The following MAMDC2 variants were observed in gnomAD, a reference collection of about 807,000 sequenced individuals.
MAMDC2 encodes the protein MAM domain containing 2, also known as MAM domain-containing protein 2.
Under a neutral mutation model 89.8 loss-of-function variants are expected in MAMDC2, and 57 were observed. The observed-to-expected ratio is 0.63, with a 90% CI of 0.51 to 0.79. The LOEUF is 0.79. Among genes scored for constraint, MAMDC2 ranks in the 30% least tolerant of loss-of-function variants. MAMDC2 has a pLI of 0.00. For synonymous variants in MAMDC2, 313 were observed against 293.4 expected (o/e 1.07, Z -0.68); for missense variants, 800 against 820.6 (o/e 0.97, Z 0.31).
intron 2 of MAMDC2, among the ~76,000 whole-genome samples, chr9:70,075,089 G>A (rs147351932): frequency 8.5e-5 from 13 of 152,258 alleles, no homozygotes; most frequent in African/African-American, 3.1e-4. Flanking sequence ...TGTTTACAAC[G>A]TTTAGCTCAC....
At chr9:70,151,079 G>T (rs1022669368) in intron 9 of MAMDC2, among the ~76,000 whole-genome samples, 2 of 152,140 alleles carry the variant, frequency 1.3e-5, no homozygotes, top group Admixed American at 1.3e-4. Flanking sequence ...CCTTCTCTCT[G>T]TTCCTTGAGT....
chr9:70,074,990 C>A (rs1431259993), intron 2 of MAMDC2, among the ~76,000 whole-genome samples: 3 of 152,154 alleles, frequency 2.0e-5, no homozygotes, highest in Non-Finnish European at 4.4e-5. Flanking sequence ...ATCAGGAGTT[C>A]TGTTACCATG....
chr9:70,192,454 T>C (rs2032899310), intron 11 of MAMDC2, among the ~76,000 whole-genome samples: 2 of 152,178 alleles, frequency 1.3e-5, no homozygotes. Context: ...TATTCTTCTG[T>C]TGATATGTTC....
chr9:70,067,701 G>T (rs757007791), intron 2 of MAMDC2, among the ~76,000 whole-genome samples: 1 of 152,166 alleles, frequency 6.6e-6, no homozygotes, highest in African/African-American at 2.4e-5. Flanking sequence ...CTTTCAGTTC[G>T]GTGATGTAAG....
At chr9:70,113,248 G>A in intron 5 of MAMDC2, 116 bp downstream of exon 5, 1 of 1,200,186 alleles carries the variant, frequency 8.3e-7, no homozygotes, top group Non-Finnish European at 1.2e-6. Context: ...GGAGGGAGGA[G>A]GGTGAGTAGG....
At chr9:70,080,430 T>A (rs1324200692) in intron 2 of MAMDC2, among the ~76,000 whole-genome samples, 1 of 152,258 alleles carries the variant, frequency 6.6e-6, no homozygotes, top group Non-Finnish European at 1.5e-5. Context: ...AACAGCGATC[T>A]AACTCATTAT....
At chr9:70,109,923 G>A in intron 4 of MAMDC2, 119 bp downstream of exon 4, 2 of 776,072 alleles carry the variant, frequency 2.6e-6, no homozygotes, top group Admixed American at 4.3e-5. Flanking sequence ...ACTGCATAAT[G>A]CATACTGGTT....
At chr9:70,053,432 G>A (rs1261355655) in intron 2 of MAMDC2, among the ~76,000 whole-genome samples, 1 of 152,218 alleles carries the variant, frequency 6.6e-6, no homozygotes, top group East Asian at 1.9e-4. Flanking sequence ...CATGTTCTAT[G>A]TTAGTAGTTG....
At chr9:70,104,632 T>G (rs1828285094) in intron 2 of MAMDC2, among the ~76,000 whole-genome samples, 1 of 152,212 alleles carries the variant, frequency 6.6e-6, no homozygotes, top group Non-Finnish European at 1.5e-5. Context: ...TTCTAATATA[T>G]GCTACAACAT....
chr9:70,139,629 T>C (rs1434192832), intron 7 of MAMDC2, among the ~76,000 whole-genome samples: 1 of 152,182 alleles, frequency 6.6e-6, no homozygotes, highest in Non-Finnish European at 1.5e-5. Context: ...CCTTTGGGTA[T>C]ATACCCAGTA....
At chr9:70,174,207 A>C (rs2032430665) in intron 11 of MAMDC2, among the ~76,000 whole-genome samples, 1 of 152,228 alleles carries the variant, frequency 6.6e-6, no homozygotes, top group African/African-American at 2.4e-5. Context: ...TCATTCAGCA[A>C]ATAGCTATTG....
intron 2 of MAMDC2, among the ~76,000 whole-genome samples, chr9:70,094,934 A>T (rs781775339): frequency 1.3e-5 from 2 of 152,266 alleles, no homozygotes; most frequent in Non-Finnish European, 2.9e-5. Context: ...ACAGTTGTAT[A>T]GGTTGCACAC....
chr9:70,129,779 G>T (rs2030713074), intron 6 of MAMDC2, among the ~76,000 whole-genome samples: 1 of 152,092 alleles, frequency 6.6e-6, no homozygotes, highest in Non-Finnish European at 1.5e-5. Flanking sequence ...TGTTTGCTAG[G>T]ACTGCCCATA....
chr9:70,100,851 A>G lies in MAMDC2; in HGVS notation c.149-7360A>G, dbSNP rs1828170332. The stretch of plus-strand genomic sequence containing the variant: ...CCTGAACAAATATCTTCTCTGATCC[A>G]TATTGGAAAAAAGTAAGAAGGCAAT... On this transcript the variant is annotated intron_variant, in intron 2 of 13. Coordinates refer to ENST00000377182, the MANE Select transcript of MAMDC2 (RefSeq NM_153267.5). 2.0e-5 allele frequency among the ~76,000 whole-genome samples: 3 copies of G among 152,370 alleles called. No homozygotes were observed. The South Asian group carries it at 6.2e-4, about 32-fold the overall frequency.
At chr9:70,198,060 TA>T (rs1460018022) in intron 11 of MAMDC2, among the ~76,000 whole-genome samples, 6 of 148,426 alleles carry the variant, frequency 4.0e-5, no homozygotes, top group Non-Finnish European at 7.4e-5. Flanking sequence ...ATAATTGTTC[TA>T]TTTTTTTATT....
At position 70,217,501 on chromosome 9, in the gene MAMDC2, G is replaced by C. The variant is rs554007523; in HGVS notation, c.1652-836G>C. ...GAATCAGAAACCTTAAGTTAGAAAG[G>C]CTCAACGAGAACAAGCTATCAGGGC... On this transcript the variant is annotated intron_variant, in intron 11 of 13. Coordinates refer to ENST00000377182, the MANE Select transcript of MAMDC2 (RefSeq NM_153267.5). 10 of 1,505,290 alleles carry C rather than the reference G, an allele frequency of 6.6e-6. No individual in the cohort carries two copies. In the East Asian group the frequency reaches 6.8e-5, roughly 10 times the overall value. 93.2% of individuals were successfully genotyped at this position (1,505,290 alleles called of 1,614,324 possible).
intron 6 of MAMDC2, among the ~76,000 whole-genome samples, chr9:70,127,177 G>A (rs929764693): frequency 6.6e-6 from 1 of 152,086 alleles, no homozygotes; most frequent in African/African-American, 2.4e-5. Flanking sequence ...TGACTATCCA[G>A]CCAAGTAGAT....
intron 2 of MAMDC2, among the ~76,000 whole-genome samples, chr9:70,097,290 T>A (rs759278731): frequency 6.6e-6 from 1 of 152,208 alleles, no homozygotes; most frequent in South Asian, 2.1e-4. Flanking sequence ...AGGAGCAAAT[T>A]TTTTCTTATA....
chr9:70,102,295 G>T (rs1381161125), intron 2 of MAMDC2, among the ~76,000 whole-genome samples: 1 of 152,088 alleles, frequency 6.6e-6, no homozygotes, highest in Non-Finnish European at 1.5e-5. Context: ...CCTGAGTAGG[G>T]TCCACTGTAC....
Sources: allele counts gnomAD v4.1 joint callset (sites outside exome capture counted in the v4.1 genomes callset), GRCh38; gene constraint gnomAD v4.1.1; transcripts MANE v1.5; gene names NCBI Gene and HGNC (gene_info 2026-07-23, HGNC 2026-07-21).